TET2: variants seen among roughly 807,000 people sequenced by gnomAD.
TET2 encodes the protein methylcytosine dioxygenase TET2.
In TET2, 299 loss-of-function variants were observed where a neutral mutation model predicts 142.9. The observed-to-expected ratio is 2.09, with a 90% confidence interval of 1.90 to 2.30. TET2 has a LOEUF of 2.30. Among genes scored for constraint, TET2 ranks in the 30% most tolerant of loss-of-function variants. The pLI, the probability that TET2 is intolerant of heterozygous loss-of-function variation, is 0.00. For synonymous variants in TET2, 819 were observed against 849.0 expected, an observed-to-expected ratio of 0.96 and a Z score of 0.61; for missense variants, 2,418 against 2,378.0, an observed-to-expected ratio of 1.02 and a Z score of -0.35.
rs1306168305 is a variant in TET2, at chr4:105,234,488, G to C, written c.546G>C (p.Leu182=). 2.5e-6 allele frequency: 4 copies of C among 1,613,924 alleles called. No individual in the cohort carries two copies. Among genetic ancestry groups the C allele is most frequent in the Non-Finnish European group, 3.4e-6 (4 of 1,180,010 alleles). The change falls in exon 3 of 11, where the codon CTG becomes CTC. Residue 182 remains leucine, a synonymous_variant. Coordinates refer to ENST00000380013, the MANE Select transcript of TET2 (RefSeq NM_001127208.3). ...SGPENPELQI[L]NEQEGKSANY... ...CTGAAAATCCAGAGCTTCAGATTCT[G>C]AATGAGCAGGAGGGGAAAAGTGCTA...
At chr4:105,258,813 T>C (rs541558008) in intron 6 of TET2, among the ~76,000 whole-genome samples, 1 of 152,332 alleles carries the variant, frequency 6.6e-6, no homozygotes, top group African/African-American at 2.4e-5. Flanking sequence ...TTTGCTTACT[T>C]GTATGTTTGT....
At chr4:105,188,204 C>G (rs1725570741) in intron 1 of TET2, among the ~76,000 whole-genome samples, 1 of 152,170 alleles carries the variant, frequency 6.6e-6, no homozygotes, top group African/African-American at 2.4e-5. Flanking sequence ...GAAGAAAATT[C>G]TGACACATGC....
At chr4:105,177,311 G>A (rs1724856456) in intron 1 of TET2, among the ~76,000 whole-genome samples, 1 of 152,162 alleles carries the variant, frequency 6.6e-6, no homozygotes, top group Non-Finnish European at 1.5e-5. Flanking sequence ...CTTCTGCTCT[G>A]TGAAAGACAA....
chr4:105,166,026 A>G (rs1724132680), intron 1 of TET2, among the ~76,000 whole-genome samples: 1 of 152,124 alleles, frequency 6.6e-6, no homozygotes, highest in Admixed American at 6.5e-5. Context: ...TCTTATTGCT[A>G]AATTTATAAT....
At chr4:105,221,187 C>T (rs1203005211) in intron 2 of TET2, among the ~76,000 whole-genome samples, 3 of 151,978 alleles carry the variant, frequency 2.0e-5, no homozygotes, top group Non-Finnish European at 2.9e-5. Flanking sequence ...TTTGGTGAGA[C>T]TTGGAGAAAG....
At chr4:105,198,136 A>T (rs1227301229) in intron 2 of TET2, among the ~76,000 whole-genome samples, 1 of 152,146 alleles carries the variant, frequency 6.6e-6, no homozygotes, top group Non-Finnish European at 1.5e-5. Context: ...CAAGAGTTTG[A>T]GACCAGCCTG....
At chr4:105,248,885 C>G (rs1260561796) in intron 6 of TET2, among the ~76,000 whole-genome samples, 11 of 151,804 alleles carry the variant, frequency 7.2e-5, no homozygotes, top group African/African-American at 2.7e-4. Flanking sequence ...CTATTCTGGG[C>G]ATTTTGTATT....
intron 2 of TET2, among the ~76,000 whole-genome samples, chr4:105,199,237 C>T (rs929352107): frequency 2.6e-5 from 4 of 152,140 alleles, no homozygotes; most frequent in African/African-American, 9.7e-5. Context: ...CCTTATAGGG[C>T]TCTCTTCTAA....
In TET2 at chr4:105,214,241, G is replaced by A. The variant is rs142472621; in HGVS notation, c.-46-19656G>A. ...TAGAATGTGGGGTGTGTTGGACCTC[G>A]GGGCAGGCCTTAGAAAACAGAATCT... On this transcript the variant is annotated intron_variant, in intron 2 of 10. Coordinates refer to ENST00000380013, the MANE Select transcript of TET2 (RefSeq NM_001127208.3). Among the ~76,000 whole-genome samples, 531 of 151,640 alleles carry A rather than the reference G, an allele frequency of 3.5e-3. 1 individual carries two copies. Among genetic ancestry groups the A allele is most frequent in the Middle Eastern group, 6.9e-3 (2 of 288 alleles).
At chr4:105,233,833 T>TATAGATAGATAGATAG (rs58201766) in intron 2 of TET2, 64 bp from the exon 3 acceptor site, 146 of 796,124 alleles carry the variant, frequency 1.8e-4, no homozygotes, top group Middle Eastern at 2.6e-4. Flanking sequence ...TTAGTATTTT[T>TATAGATAGATAGATAG]ATAGATAGAT....
In TET2 at chr4:105,272,545, T is replaced by C. The variant is rs1286340640; in HGVS notation, c.4183-19T>C. 13 of 1,458,498 alleles carry C rather than the reference T, an allele frequency of 8.9e-6. No homozygotes were observed. Among genetic ancestry groups the C allele is most frequent in the Non-Finnish European group, 6.4e-6 (7 of 1,095,514 alleles). 90.3% of individuals were successfully genotyped at this position (1,458,498 alleles called of 1,614,324 possible). ...TTGGGACCTGTAGTTGAGGCTGTAA[T>C]GTCTTACTTCCCTACCAGGTATGCA... On this transcript the variant is annotated intron_variant, in intron 9 of 10. Coordinates refer to ENST00000380013, the MANE Select transcript of TET2 (RefSeq NM_001127208.3).
chr4:105,180,362 C>T (rs1445590588), intron 1 of TET2, among the ~76,000 whole-genome samples: 3 of 152,278 alleles, frequency 2.0e-5, no homozygotes, highest in South Asian at 4.1e-4. Flanking sequence ...AAATCTCAGT[C>T]ATTAATACAT....
intron 2 of TET2, among the ~76,000 whole-genome samples, chr4:105,226,272 C>G (rs374199964): frequency 3.7e-4 from 57 of 152,178 alleles, no homozygotes; most frequent in African/African-American, 1.3e-3. Flanking sequence ...TGGGCAGATT[C>G]CTCAGTTTTC....
chr4:105,276,020 C>G lies in TET2; in HGVS notation c.5510C>G (p.Ala1837Gly), dbSNP rs756322620. 24 of 1,551,580 alleles carry G rather than the reference C, an allele frequency of 1.5e-5. No homozygotes were observed. The Admixed American group carries it at 1.6e-4, about 10-fold the overall frequency. The stretch of plus-strand genomic sequence containing the variant: ...CCATTGGCACTAGTCCAGGGTGTGG[C>G]TTCTGGTGCAGAGGACAACGATGAG... ...KQPLALVQGV[A>G]SGAEDNDEVW... Residue 1837 changes from alanine to glycine, a missense_variant, in exon 11 of 11, where the codon GCT becomes GGT. By Grantham distance (60) the Ala-to-Gly change is moderately conservative (BLOSUM62 0). Coordinates refer to ENST00000380013, the MANE Select transcript of TET2 (RefSeq NM_001127208.3).
chr4:105,165,756 T>C (rs1724119664), intron 1 of TET2, among the ~76,000 whole-genome samples: 1 of 152,222 alleles, frequency 6.6e-6, no homozygotes, highest in Admixed American at 6.5e-5. Context: ...AATGAAATGT[T>C]TGATTGGTTG....
At chr4:105,178,186 G>A (rs1724912362) in intron 1 of TET2, 1 of 152,016 alleles carries the variant, frequency 6.6e-6, no homozygotes, top group South Asian at 2.1e-4. Flanking sequence ...CCAAAACTTG[G>A]GTGCAATCAA....
At chr4:105,161,395 T>C (rs1723851260) in intron 1 of TET2, among the ~76,000 whole-genome samples, 1 of 152,212 alleles carries the variant, frequency 6.6e-6, no homozygotes, top group African/African-American at 2.4e-5. Flanking sequence ...AAAGTTCTTA[T>C]TTGCGTGATT....
chr4:105,178,346 C>T (rs1578566719), intron 1 of TET2, among the ~76,000 whole-genome samples: 1 of 152,274 alleles, frequency 6.6e-6, no homozygotes, highest in East Asian at 1.9e-4. Context: ...TCCGAAAAGG[C>T]TAAATACTGT....
At chr4:105,205,746 C>T (rs1450548119) in intron 2 of TET2, among the ~76,000 whole-genome samples, 1 of 152,124 alleles carries the variant, frequency 6.6e-6, no homozygotes, top group Admixed American at 6.5e-5. Flanking sequence ...ATTCTCCTGC[C>T]TCAGCCTCCC....
Sources: gnomAD v4.1 joint callset for allele counts (sites outside exome capture counted in the v4.1 genomes callset) on GRCh38, gnomAD v4.1.1 for gene constraint, MANE v1.5 for transcripts, NCBI Gene and HGNC (gene_info 2026-07-23, HGNC 2026-07-21) for gene names.